The following PLA2G6 variants were observed in gnomAD, a reference collection of about 807,000 sequenced individuals.
PLA2G6 encodes 85/88 kDa calcium-independent phospholipase A2.
A neutral mutation model predicts 83.8 loss-of-function variants in PLA2G6; 62 were observed. The observed-to-expected ratio is 0.74, with a 90% CI of 0.60 to 0.91. PLA2G6 has a LOEUF of 0.91. Ranked by LOEUF, PLA2G6 falls within the 40% of genes least tolerant of loss-of-function variation. The pLI is 0.00. For synonymous variants in PLA2G6, 417 were observed against 449.8 expected, an observed-to-expected ratio of 0.93 and a Z score of 0.92; for missense variants, 944 against 1,102.0, an observed-to-expected ratio of 0.86 and a Z score of 2.03.
Position 38,128,009 on chromosome 22 carries a change from C to T in PLA2G6, c.1348+260G>A, listed in dbSNP as rs1277542844. ...AACAGCAGCCACCTCATGGGTGCCA[C>T]TGGAAATGCCCAGGCCTGAGACTGT... On this transcript the variant is annotated intron_variant, in intron 9 of 16. Coordinates refer to ENST00000332509, the MANE Select transcript of PLA2G6 (RefSeq NM_003560.4). The surrounding 1 kb of genome is among the most constrained non-coding windows in gnomAD (Gnocchi z 4.4). Among the ~76,000 whole-genome samples, 1 of 152,220 alleles carries T rather than the reference C, an allele frequency of 6.6e-6. No individual in the cohort carries two copies. Among genetic ancestry groups the T allele is most frequent in the Non-Finnish European group, 1.5e-5 (1 of 68,036 alleles).
intron 3 of PLA2G6, 139 bp from the exon 4 acceptor site, chr22:38,143,427 T>A: frequency 1.3e-6 from 1 of 789,238 alleles, no homozygotes; most frequent in Non-Finnish European, 2.2e-6. Context: ...TTCCCGCCAC[T>A]CAGCTAGTTG....
In PLA2G6 at chr22:38,132,399, G is replaced by A. The variant is rs546994562; in HGVS notation, c.1077+432C>T. The A allele has an allele frequency of 2.1e-4, 68 of 323,608 alleles. No individual in the cohort carries two copies. Among genetic ancestry groups the A allele is most frequent in the Non-Finnish European group, 3.3e-4 (56 of 167,294 alleles). The allele number at this position is 323,608 out of a possible 1,614,324, so 20.0% of individuals were successfully genotyped here. ...GATGCTCACTCGGGCCAGGTACTGCGTGTGTCACTTAGACATTCTGTAGAG... is the reference window on the plus strand; with the variant it reads ...GATGCTCACTCGGGCCAGGTACTGCATGTGTCACTTAGACATTCTGTAGAG... On this transcript the variant is annotated intron_variant, in intron 7 of 16. Coordinates refer to ENST00000332509, the MANE Select transcript of PLA2G6 (RefSeq NM_003560.4). This position sits in a 1 kb window ranked among gnomAD's most constrained non-coding sequence, Gnocchi z 5.0.
chr22:38,159,897 T>A (rs6001030), intron 2 of PLA2G6, among the ~76,000 whole-genome samples: 10,764 of 152,048 alleles, frequency 0.071, 865 homozygotes, highest in African/African-American at 0.19. Context: ...TCATTAAAAC[T>A]AAGAACTCAT....
rs541523888 is a variant in PLA2G6, at chr22:38,121,012, G to A, written c.1592-103C>T. ...TGAACGCAGGAGGTGGCAGGAGGAAGCGGGTTTACCGAGGCCTAAGCAAAC... is the reference window on the plus strand; with the variant it reads ...TGAACGCAGGAGGTGGCAGGAGGAAACGGGTTTACCGAGGCCTAAGCAAAC... On this transcript the variant is annotated intron_variant, in intron 11 of 16. Coordinates refer to ENST00000332509, the MANE Select transcript of PLA2G6 (RefSeq NM_003560.4). 39 of 1,436,472 alleles carry A rather than the reference G, an allele frequency of 2.7e-5. 1 individual carries two copies. In the Admixed American group the frequency reaches 4.4e-4, roughly 16 times the overall value. The allele number at this position is 1,436,472 out of a possible 1,614,324, so 89.0% of individuals were successfully genotyped here. A position where few individuals can be genotyped will look rare whatever the true frequency, so the allele number is the denominator to read the frequency against.
intron 2 of PLA2G6, among the ~76,000 whole-genome samples, chr22:38,159,461 A>T (rs2089920937): frequency 1.3e-5 from 2 of 151,020 alleles, no homozygotes; most frequent in Non-Finnish European, 3.0e-5. Flanking sequence ...TAGACATGTG[A>T]CTCATGCCTG....
chr22:38,126,989 C>T, intron 9 of PLA2G6: 3 of 1,072,394 alleles, frequency 2.8e-6, no homozygotes, highest in Non-Finnish European at 3.4e-6. Flanking sequence ...GTCTGGAAAT[C>T]CCAGTGGCCT....
chr22:38,150,981 G>C lies in PLA2G6; in HGVS notation c.210-5328C>G, dbSNP rs546541641. Among the ~76,000 whole-genome samples the C allele has an allele frequency of 6.8e-4, 104 of 152,306 alleles. 1 individual carries two copies. The highest frequency in any genetic ancestry group is 2.5e-3 in the African/African-American group (103 of 41,556). On this transcript the variant is annotated intron_variant, in intron 2 of 16. Coordinates refer to ENST00000332509, the MANE Select transcript of PLA2G6 (RefSeq NM_003560.4). Reference sequence around the variant, plus strand: ...GCATGCCTGTAGCCCCAGCTACTCAGGAGGTTGAGGGAGGAGAATCGCTTG... The same window carrying C: ...GCATGCCTGTAGCCCCAGCTACTCACGAGGTTGAGGGAGGAGAATCGCTTG...
chr22:38,140,793 G>C (rs565052457), intron 4 of PLA2G6: 1 of 155,940 alleles, frequency 6.4e-6, no homozygotes, highest in Non-Finnish European at 1.4e-5. Context: ...GCTCATGCTT[G>C]TAATTCCAAC....
chr22:38,177,458 CTTTTTTT>C (rs72012543), intron 1 of PLA2G6, among the ~76,000 whole-genome samples: 2 of 115,660 alleles, frequency 1.7e-5, no homozygotes, highest in South Asian at 2.9e-4. Flanking sequence ...TAAATTGCCA[CTTTTTTT>C]TTTTTTTTTT....
At position 38,115,919 on chromosome 22, in the gene PLA2G6, C is replaced by T. The variant is rs926187509; in HGVS notation, c.1879+156G>A. 9 of 1,447,162 alleles carry T rather than the reference C, an allele frequency of 6.2e-6. No individual in the cohort carries two copies. The African/African-American group carries it at 9.8e-5, about 16-fold the overall frequency. The allele number at this position is 1,447,162 out of a possible 1,614,324, so 89.6% of individuals were successfully genotyped here. A position where few individuals can be genotyped will look rare whatever the true frequency, so the allele number is the denominator to read the frequency against. ...TAACCTGCCAGGGGCCTGACAGCTC[C>T]CCCGCAATCCCTGTCCTCAGCCAAT... On this transcript the variant is annotated intron_variant, in intron 13 of 16. Coordinates refer to ENST00000332509, the MANE Select transcript of PLA2G6 (RefSeq NM_003560.4).
chr22:38,148,294 G>A (rs761842175), intron 2 of PLA2G6: 1 of 536,202 alleles, frequency 1.9e-6, no homozygotes, highest in Non-Finnish European at 3.3e-6. Context: ...GGAAAGGATA[G>A]CGAATGGGGA....
Position 38,158,768 on chromosome 22 carries a change from A to G in PLA2G6, c.209+10450T>C, listed in dbSNP as rs11570629. On this transcript the variant is annotated intron_variant, in intron 2 of 16. Coordinates refer to ENST00000332509, the MANE Select transcript of PLA2G6 (RefSeq NM_003560.4). The stretch of plus-strand genomic sequence containing the variant: ...AGGACAACTGTTTTATATATGTTCC[A>G]TGGTCTGAATGTTTGTGTCTTCCTA... 7.2e-4 allele frequency among the ~76,000 whole-genome samples: 110 copies of G among 152,310 alleles called. No individual in the cohort carries two copies. The Middle Eastern group carries it at 0.014, about 19-fold the overall frequency.
At chr22:38,145,738 C>A in intron 2 of PLA2G6, 85 bp from the exon 3 acceptor site, 1 of 923,838 alleles carries the variant, frequency 1.1e-6, no homozygotes, top group Non-Finnish European at 1.7e-6. Context: ...CAGAAGGTCC[C>A]CAGGCTGCGG....
At chr22:38,165,947 A>G (rs1313379644) in intron 2 of PLA2G6, among the ~76,000 whole-genome samples, 1 of 152,184 alleles carries the variant, frequency 6.6e-6, no homozygotes, top group Admixed American at 6.5e-5. Context: ...CAGGGGAGTG[A>G]CCAATCAGAT....
chr22:38,119,055 C>A (rs2087374765), intron 12 of PLA2G6, among the ~76,000 whole-genome samples: 1 of 152,184 alleles, frequency 6.6e-6, no homozygotes, highest in South Asian at 2.1e-4. Flanking sequence ...AGCCACCATG[C>A]CTGGCATATT....
chr22:38,143,622 C>A (rs771733954), intron 3 of PLA2G6: 32 of 430,756 alleles, frequency 7.4e-5, no homozygotes, highest in Middle Eastern at 7.1e-4. Context: ...CCTTTCTGGG[C>A]GTCAATATCC....
At position 38,112,550 on chromosome 22, in the gene PLA2G6, C is replaced by A; in HGVS notation, c.2230G>T (p.Asp744Tyr). The change falls in exon 16 of 17, where the codon GAC becomes TAC. Residue 744 changes from aspartate (D) to tyrosine (Y), a missense_variant. Transcript: ENST00000332509. ...ATCTCGCACCAGGCCCGTGCCCGGTCCACAGCCCGCCCGTCTGGATCCGTG... is the reference window on the plus strand; with the variant it reads ...ATCTCGCACCAGGCCCGTGCCCGGTACACAGCCCGCCCGTCTGGATCCGTG... Reference protein sequence around the residue: ...CCTDPDGRAVDRARAWCEMVG... With the variant: ...CCTDPDGRAVYRARAWCEMVG... The A allele has an allele frequency of 6.4e-7, 1 of 1,553,978 alleles. No homozygotes were observed. The highest frequency in any genetic ancestry group is 8.7e-7 in the Non-Finnish European group (1 of 1,149,908).
At chr22:38,121,178 G>C (rs2087509089) in intron 11 of PLA2G6, 1 of 411,888 alleles carries the variant, frequency 2.4e-6, no homozygotes, top group Non-Finnish European at 4.6e-6. Flanking sequence ...AGGAGTTTGA[G>C]ACCAGCCTGC....
Position 38,112,484 on chromosome 22 carries a change from TG to T in PLA2G6, c.2276+19del. 3 of 1,548,472 alleles carry T rather than the reference TG, an allele frequency of 1.9e-6. No individual in the cohort carries two copies. Among genetic ancestry groups the T allele is most frequent in the African/African-American group, 1.4e-5 (1 of 73,176 alleles). On this transcript the variant is annotated intron_variant, in intron 16 of 16. Coordinates refer to ENST00000332509, the MANE Select transcript of PLA2G6 (RefSeq NM_003560.4). ...CACGCCAGGGCACGGGGCCAAGGGCTGGGGCGGCTGAGCCCTCACCTGAAGT... is the reference window on the plus strand; with the variant it reads ...CACGCCAGGGCACGGGGCCAAGGGCTGGGCGGCTGAGCCCTCACCTGAAGT...
Sources: gnomAD v4.1 joint callset for allele counts (sites outside exome capture counted in the v4.1 genomes callset) on GRCh38, gnomAD v4.1.1 for gene constraint, Gnocchi (gnomAD v3.1) non-coding constraint, MANE v1.5 for transcripts, NCBI Gene and HGNC (gene_info 2026-07-23, HGNC 2026-07-21) for gene names.